FOXP1: variants seen among roughly 807,000 people sequenced by gnomAD.
FOXP1 encodes forkhead box protein P1.
In FOXP1, 15 loss-of-function variants were observed where a neutral mutation model predicts 98.2. The observed-to-expected ratio is 0.15, with a 90% CI of 0.10 to 0.24. The LOEUF is 0.24. Among genes scored for constraint, FOXP1 ranks in the 10% least tolerant of loss-of-function variants. The pLI, the probability that FOXP1 is intolerant of heterozygous loss-of-function variation, is 1.00. For missense variants in FOXP1, 633 were observed against 848.5 expected, an observed-to-expected ratio of 0.75 and a Z score of 3.15; for synonymous variants, 371 against 314.5, an observed-to-expected ratio of 1.18 and a Z score of -1.90.
chr3:71,387,423 G>A (rs558881313), intron 3 of FOXP1, among the ~76,000 whole-genome samples: 3 of 152,264 alleles, frequency 2.0e-5, no homozygotes, highest in Non-Finnish European at 2.9e-5. Flanking sequence ...GCTACAATTG[G>A]AATAATTAAG....
rs1237369584 is a variant in FOXP1, at chr3:71,112,051, T to A, written c.282+485A>T. Among the ~76,000 whole-genome samples, 10 of 141,954 alleles carry A rather than the reference T, an allele frequency of 7.0e-5. No homozygotes were observed. In the East Asian group the frequency reaches 2.0e-3, roughly 28 times the overall value. 93.1% of individuals were successfully genotyped at this position (141,954 alleles called of 152,430 possible). On this transcript the variant is annotated intron_variant, in intron 7 of 20. Transcript: ENST00000649528. ...GTACTTACTGGATGCCAGCAACACCTCTGCCCTGCTAGTTGTGGCAACGAA... is the reference window on the plus strand; with the variant it reads ...GTACTTACTGGATGCCAGCAACACCACTGCCCTGCTAGTTGTGGCAACGAA...
intron 12 of FOXP1, among the ~76,000 whole-genome samples, chr3:71,007,700 T>C (rs774829127): frequency 6.6e-6 from 1 of 152,180 alleles, no homozygotes; most frequent in African/African-American, 2.4e-5. Context: ...GATGTTACCA[T>C]GATAAAAACA....
At chr3:71,142,064 G>A (rs1384908735) in intron 6 of FOXP1, among the ~76,000 whole-genome samples, 1 of 151,996 alleles carries the variant, frequency 6.6e-6, no homozygotes, top group Admixed American at 6.6e-5. Flanking sequence ...CCCTTTTAAG[G>A]TAAACAGAAG....
intron 7 of FOXP1, among the ~76,000 whole-genome samples, chr3:71,092,929 G>C (rs1365270049): frequency 1.3e-5 from 2 of 152,160 alleles, no homozygotes; most frequent in South Asian, 4.1e-4. Context: ...ATTAGTTCTT[G>C]ATTTTTCATC....
chr3:71,135,290 CT>C (rs1311392212), intron 6 of FOXP1, among the ~76,000 whole-genome samples: 1 of 151,232 alleles, frequency 6.6e-6, no homozygotes, highest in Non-Finnish European at 1.5e-5. Flanking sequence ...TTATAATCCC[CT>C]ATTAAGAAGA....
At chr3:71,471,949 C>T (rs556511591) in intron 3 of FOXP1, among the ~76,000 whole-genome samples, 1 of 152,254 alleles carries the variant, frequency 6.6e-6, no homozygotes, top group South Asian at 2.1e-4. Flanking sequence ...TTCTACAGCC[C>T]TACTGGGAGA....
intron 19 of FOXP1, among the ~76,000 whole-genome samples, chr3:70,967,905 C>A (rs1166325928): frequency 1.3e-5 from 2 of 152,048 alleles, no homozygotes; most frequent in Middle Eastern, 3.4e-3. Flanking sequence ...GGGGCTGCTG[C>A]TAGCTTAATT....
chr3:70,971,230 A>C (rs1026572867), intron 18 of FOXP1: 2 of 279,320 alleles, frequency 7.2e-6, no homozygotes, highest in African/African-American at 2.2e-5. Flanking sequence ...TTGAGATTTG[A>C]ACTTTACAGT....
chr3:71,514,007 T>C (rs1170791535), intron 2 of FOXP1, among the ~76,000 whole-genome samples: 1 of 152,250 alleles, frequency 6.6e-6, no homozygotes, highest in African/African-American at 2.4e-5. Flanking sequence ...TCTGTGCATA[T>C]GCCTTGAACT....
chr3:71,227,553 T>C (rs2065938160), intron 5 of FOXP1, among the ~76,000 whole-genome samples: 1 of 152,176 alleles, frequency 6.6e-6, no homozygotes, highest in African/African-American at 2.4e-5. Context: ...TCTAGACATT[T>C]GATTAAGGAG....
chr3:71,433,403 T>C (rs533308829), intron 3 of FOXP1, among the ~76,000 whole-genome samples: 1 of 152,294 alleles, frequency 6.6e-6, no homozygotes, highest in South Asian at 2.1e-4. Flanking sequence ...TCATGTGTGT[T>C]CCTGAAATGC....
At chr3:71,066,514 C>T (rs964406979) in intron 7 of FOXP1, among the ~76,000 whole-genome samples, 1 of 152,158 alleles carries the variant, frequency 6.6e-6, no homozygotes, top group South Asian at 2.1e-4. Flanking sequence ...CAGAAAGTCC[C>T]CCGACTATCA....
chr3:71,486,707 C>G (rs1441630282), intron 3 of FOXP1, among the ~76,000 whole-genome samples: 6 of 152,178 alleles, frequency 3.9e-5, no homozygotes, highest in African/African-American at 9.7e-5. Context: ...GACGGCAATT[C>G]TCAACAGGCA....
chr3:71,040,135 CTGTGTG>C (rs750897896), intron 11 of FOXP1: 3 of 147,752 alleles, frequency 2.0e-5, no homozygotes, highest in East Asian at 2.0e-4. Flanking sequence ...GTGTGTGTAT[CTGTGTG>C]TGTGTGTGTG....
chr3:71,017,855 G>A (rs2044743519), intron 11 of FOXP1, among the ~76,000 whole-genome samples: 1 of 152,128 alleles, frequency 6.6e-6, no homozygotes, highest in Admixed American at 6.6e-5. Flanking sequence ...CAATTAATGA[G>A]TACCAAAATT....
At chr3:71,268,236 G>A (rs1168873045) in intron 5 of FOXP1, among the ~76,000 whole-genome samples, 6 of 151,536 alleles carry the variant, frequency 4.0e-5, no homozygotes, top group South Asian at 2.1e-4. Context: ...GACTATAGGC[G>A]CCCGCCACCT....
intron 5 of FOXP1, among the ~76,000 whole-genome samples, chr3:71,254,308 G>GTCTAGTCTACC (rs2068455404): frequency 6.6e-6 from 1 of 152,166 alleles, no homozygotes. Context: ...CCCGCAAAGT[G>GTCTAGTCTACC]TGACTAGAAT....
At chr3:71,493,856 T>G (rs2091228424) in intron 2 of FOXP1, among the ~76,000 whole-genome samples, 1 of 152,170 alleles carries the variant, frequency 6.6e-6, no homozygotes, top group African/African-American at 2.4e-5. Flanking sequence ...TATCAAGTCT[T>G]CAGGTAACAA....
intron 3 of FOXP1, among the ~76,000 whole-genome samples, chr3:71,410,846 T>C (rs1490392333): frequency 5.3e-5 from 8 of 152,182 alleles, no homozygotes; most frequent in Non-Finnish European, 1.0e-4. Flanking sequence ...AGAACAAACA[T>C]TGTTCTATGG....
Sources: gnomAD v4.1 joint callset for allele counts (sites outside exome capture counted in the v4.1 genomes callset) on GRCh38, gnomAD v4.1.1 for gene constraint, MANE v1.5 for transcripts, NCBI Gene and HGNC (gene_info 2026-07-23, HGNC 2026-07-21) for gene names.